UST: variants seen among roughly 807,000 people sequenced by gnomAD.
The protein encoded by UST is uronyl 2-sulfotransferase.
UST carries 21 observed loss-of-function variants against 45.6 expected under a neutral mutation model. That is an observed-to-expected ratio of 0.46 (90% CI 0.33 to 0.66). The LOEUF is 0.66. Ranked by LOEUF, UST falls within the 30% of genes least tolerant of loss-of-function variation. The pLI, the probability that UST is intolerant of heterozygous loss-of-function variation, is 0.02. For synonymous variants in UST, 215 were observed against 200.6 expected (o/e 1.07, Z -0.61); for missense variants, 463 against 512.4 (o/e 0.90, Z 0.93).
intron 5 of UST, among the ~76,000 whole-genome samples, chr6:148,982,978 C>G (rs1781167821): frequency 6.6e-6 from 1 of 152,164 alleles, no homozygotes; most frequent in Admixed American, 6.5e-5. Flanking sequence ...TCATTTAATT[C>G]TCTCTAAATG....
At chr6:148,882,163 T>C (rs1778833855) in intron 1 of UST, among the ~76,000 whole-genome samples, 1 of 152,092 alleles carries the variant, frequency 6.6e-6, no homozygotes, top group African/African-American at 2.4e-5. Context: ...TGTTCCTTTA[T>C]GTGCACAGAA....
intron 1 of UST, among the ~76,000 whole-genome samples, chr6:148,793,675 T>A (rs9390611): frequency 6.6e-6 from 1 of 152,026 alleles, no homozygotes; most frequent in Non-Finnish European, 1.5e-5. Flanking sequence ...CTTTTTCAGC[T>A]CCATTATCAT....
chr6:148,827,739 A>C (rs1317955651), intron 1 of UST, among the ~76,000 whole-genome samples: 2 of 151,768 alleles, frequency 1.3e-5, no homozygotes, highest in Admixed American at 6.6e-5. Context: ...AAAAAAAAAA[A>C]AAAACCAACA....
chr6:148,884,233 T>C (rs1304010646), intron 1 of UST, among the ~76,000 whole-genome samples: 1 of 152,068 alleles, frequency 6.6e-6, no homozygotes, highest in East Asian at 1.9e-4. Context: ...AAGATTTTGG[T>C]ATAAAGAGTT....
intron 1 of UST, among the ~76,000 whole-genome samples, chr6:148,801,396 A>C (rs1436898190): frequency 6.6e-6 from 1 of 152,142 alleles, no homozygotes; most frequent in Non-Finnish European, 1.5e-5. Flanking sequence ...AATCTCTTAT[A>C]ATGAGGGTTC....
chr6:148,879,676 C>T (rs1333117191), intron 1 of UST, among the ~76,000 whole-genome samples: 4 of 152,220 alleles, frequency 2.6e-5, no homozygotes, highest in Non-Finnish European at 5.9e-5. Context: ...TGTAGTAGTG[C>T]AGCTAGTACT....
intron 1 of UST, among the ~76,000 whole-genome samples, chr6:148,823,975 CTG>C (rs1376698972): frequency 1.3e-5 from 2 of 152,158 alleles, no homozygotes; most frequent in African/African-American, 4.8e-5. Context: ...ATTTAGGAAT[CTG>C]AGCACGGCTT....
intron 7 of UST, among the ~76,000 whole-genome samples, chr6:149,060,648 C>T (rs985397684): frequency 1.1e-4 from 17 of 152,158 alleles, no homozygotes; most frequent in East Asian, 3.8e-4. Context: ...GGGAGTACAC[C>T]GACGGTACTT....
intron 5 of UST, among the ~76,000 whole-genome samples, chr6:149,011,679 G>A (rs868546742): frequency 6.6e-6 from 1 of 152,096 alleles, no homozygotes; most frequent in East Asian, 1.9e-4. Flanking sequence ...GGTGTGGGTG[G>A]CATGTGCCTG....
intron 5 of UST, among the ~76,000 whole-genome samples, chr6:148,991,593 A>G (rs552178641): frequency 1.4e-5 from 2 of 142,346 alleles, no homozygotes; most frequent in Non-Finnish European, 3.0e-5. Flanking sequence ...TCCCACCTAT[A>G]GAATTCATAG....
At chr6:148,862,207 A>T (rs1187795994) in intron 1 of UST, among the ~76,000 whole-genome samples, 1 of 152,166 alleles carries the variant, frequency 6.6e-6, no homozygotes, top group Non-Finnish European at 1.5e-5. Flanking sequence ...TATATTTAGG[A>T]TAGTTAGCTC....
In UST at chr6:148,796,845, C is replaced by G. The variant is rs545687233; in HGVS notation, c.247+49168C>G. Reference sequence around the variant, plus strand: ...TGAGATGGAGTCTCCCTCTGTCACCCAGGCTGGAGTGCAATGGCGTGATCT... The same window carrying G: ...TGAGATGGAGTCTCCCTCTGTCACCGAGGCTGGAGTGCAATGGCGTGATCT... On this transcript the variant is annotated intron_variant, in intron 1 of 7. Coordinates refer to ENST00000367463, the MANE Select transcript of UST (RefSeq NM_005715.3). Among the ~76,000 whole-genome samples the G allele has an allele frequency of 1.4e-4, 20 of 141,514 alleles. No individual in the cohort carries two copies. In the East Asian group the frequency reaches 3.2e-3, roughly 22 times the overall value. The allele number at this position is 141,514 out of a possible 152,430, so 92.8% of individuals were successfully genotyped here.
intron 5 of UST, among the ~76,000 whole-genome samples, chr6:149,014,611 GT>G (rs1443622625): frequency 6.6e-6 from 1 of 152,224 alleles, no homozygotes; most frequent in Non-Finnish European, 1.5e-5. Flanking sequence ...CTGGACCCAA[GT>G]GAGCGCTAGC....
At chr6:149,002,945 G>A (rs10080240) in intron 5 of UST, among the ~76,000 whole-genome samples, 43,522 of 152,110 alleles carry the variant, frequency 0.29, 6,362 homozygotes, top group Middle Eastern at 0.35. Context: ...AATCAATCCA[G>A]TTATTCATTG....
intron 7 of UST, among the ~76,000 whole-genome samples, chr6:149,071,156 AT>A (rs558960007): frequency 8.6e-5 from 13 of 151,850 alleles, no homozygotes; most frequent in African/African-American, 2.9e-4. Context: ...TCATTTTTCA[AT>A]TTTTTTTGTA....
intron 1 of UST, among the ~76,000 whole-genome samples, chr6:148,821,585 G>A (rs1777466990): frequency 1.3e-5 from 2 of 152,112 alleles, no homozygotes; most frequent in Non-Finnish European, 2.9e-5. Flanking sequence ...ATTTTATAAG[G>A]AGCCACTAAA....
At chr6:148,789,453 T>TCACACACACACA (rs58763326) in intron 1 of UST, among the ~76,000 whole-genome samples, 1 of 134,224 alleles carries the variant, frequency 7.5e-6, no homozygotes, top group East Asian at 2.3e-4. Context: ...TCTCTCTCTC[T>TCACACACACACA]CACACACACA....
At position 148,899,092 on chromosome 6, in the gene UST, C is replaced by CTTTTTT. The variant is rs3075093; in HGVS notation, c.291+12083_291+12088dup. On this transcript the variant is annotated intron_variant, in intron 2 of 7. Transcript: ENST00000367463. ...CAATATAGCATATAGCTACCTAATCCTTTTTTTTTTTTTTTTTTTTTTTTT... is the reference window on the plus strand; with the variant it reads ...CAATATAGCATATAGCTACCTAATCCTTTTTTTTTTTTTTTTTTTTTTTTTTTTTTT... Among the ~76,000 whole-genome samples the CTTTTTT allele has an allele frequency of 8.1e-4, 53 of 65,578 alleles. 2 individuals are homozygous for CTTTTTT. The highest frequency in any genetic ancestry group is 2.7e-3 in the African/African-American group (45 of 16,948). 43.0% of individuals were successfully genotyped at this position (65,578 alleles called of 152,430 possible).
chr6:148,794,631 C>T (rs1398726030), intron 1 of UST, among the ~76,000 whole-genome samples: 1 of 152,184 alleles, frequency 6.6e-6, no homozygotes, highest in East Asian at 1.9e-4. Flanking sequence ...AATTTAGTTC[C>T]TATGTTGCTT....
Sources: allele counts gnomAD v4.1 joint callset (sites outside exome capture counted in the v4.1 genomes callset), GRCh38; gene constraint gnomAD v4.1.1; transcripts MANE v1.5; gene names NCBI Gene and HGNC (gene_info 2026-07-23, HGNC 2026-07-21).